Variants in FSHR observed in about 807,000 individuals in gnomAD.
The protein encoded by FSHR is follicle stimulating hormone receptor, also known as follicle-stimulating hormone receptor.
Under a neutral mutation model 52.1 loss-of-function variants are expected in FSHR, and 46 were observed. The ratio of observed to expected loss-of-function variants is 0.88; its 90% CI spans 0.70 to 1.13. FSHR has a LOEUF of 1.13. Among genes scored for constraint, FSHR ranks in the 50% most tolerant of loss-of-function variants. FSHR has a pLI of 0.00. For missense variants in FSHR, 964 were observed against 834.6 expected (o/e 1.16, Z -1.91); for synonymous variants, 399 against 309.6 (o/e 1.29, Z -3.03).
chr2:49,001,492 C>G (rs1485845455), intron 4 of FSHR, among the ~76,000 whole-genome samples: 1 of 152,056 alleles, frequency 6.6e-6, no homozygotes, highest in African/African-American at 2.4e-5. Flanking sequence ...ACTTTTGAGA[C>G]CTTCTTGGAT....
At chr2:49,020,683 C>G (rs1667660917) in intron 2 of FSHR, among the ~76,000 whole-genome samples, 2 of 152,286 alleles carry the variant, frequency 1.3e-5, no homozygotes, top group East Asian at 3.9e-4. Context: ...AGGTGTCAGG[C>G]TGGATTTGAT....
intron 2 of FSHR, among the ~76,000 whole-genome samples, chr2:49,048,302 G>GAAA (rs147089907): frequency 1.3e-4 from 20 of 151,502 alleles, no homozygotes; most frequent in African/African-American, 4.9e-4. Context: ...TTTTCTTATA[G>GAAA]AAAAAAAACC....
At chr2:49,046,121 C>G (rs1270628443) in intron 2 of FSHR, among the ~76,000 whole-genome samples, 1 of 152,142 alleles carries the variant, frequency 6.6e-6, no homozygotes, top group East Asian at 1.9e-4. Context: ...ATACTTGTCC[C>G]AGCTGCTACT....
At chr2:49,012,948 G>T (rs1667325073) in intron 4 of FSHR, among the ~76,000 whole-genome samples, 1 of 152,112 alleles carries the variant, frequency 6.6e-6, no homozygotes, top group Admixed American at 6.6e-5. Flanking sequence ...TTTGGAAATA[G>T]AACTTCTGGT....
intron 1 of FSHR, among the ~76,000 whole-genome samples, chr2:49,124,737 A>G (rs1299329909): frequency 6.6e-6 from 1 of 152,198 alleles, no homozygotes. Context: ...TCTCAAATGG[A>G]TTATTTTAAT....
chr2:49,136,887 A>T (rs1292480951), intron 1 of FSHR, among the ~76,000 whole-genome samples: 1 of 152,150 alleles, frequency 6.6e-6, no homozygotes, highest in African/African-American at 2.4e-5. Context: ...TCATCAATGA[A>T]AAAACCACCA....
rs182275774 is a variant in FSHR at position 49,151,244 on chromosome 2, G to C, written c.152+3022C>G. Reference sequence around the variant, plus strand: ...ATAAAAGATTCAAATTTGGATCCCAGCTCTGCCATCCAGGAGCTGCAGGGA... The same window carrying C: ...ATAAAAGATTCAAATTTGGATCCCACCTCTGCCATCCAGGAGCTGCAGGGA... On this transcript the variant is annotated intron_variant, in intron 1 of 9. Coordinates refer to ENST00000406846, the MANE Select transcript of FSHR (RefSeq NM_000145.4). Among the ~76,000 whole-genome samples, 470 of 150,078 alleles carry C rather than the reference G, an allele frequency of 3.1e-3. 1 individual carries two copies. The highest frequency in any genetic ancestry group is 4.9e-3 in the Non-Finnish European group (331 of 67,794).
intron 1 of FSHR, among the ~76,000 whole-genome samples, chr2:49,149,270 G>T (rs1394209): frequency 1.3e-5 from 2 of 151,620 alleles, no homozygotes; most frequent in South Asian, 4.2e-4. Flanking sequence ...GGTAATACCT[G>T]GTTACCTCAT....
At chr2:49,139,511 G>A (rs72879888) in intron 1 of FSHR, among the ~76,000 whole-genome samples, 5,999 of 152,072 alleles carry the variant, frequency 0.039, 372 homozygotes, top group African/African-American at 0.14. Context: ...TTTTTATGGA[G>A]TGTCATGAAA....
chr2:49,046,218 A>G (rs1010016417), intron 2 of FSHR, among the ~76,000 whole-genome samples: 2 of 152,232 alleles, frequency 1.3e-5, no homozygotes, highest in Admixed American at 6.5e-5. Context: ...GAAGATATTC[A>G]TACTACTACT....
chr2:49,101,077 A>G (rs1252389932), intron 1 of FSHR, among the ~76,000 whole-genome samples: 2 of 152,186 alleles, frequency 1.3e-5, no homozygotes, highest in Non-Finnish European at 2.9e-5. Context: ...TGGTGACTTT[A>G]TTAGAAAAAA....
chr2:48,990,844 G>A (rs1675738922), intron 4 of FSHR, among the ~76,000 whole-genome samples: 1 of 150,980 alleles, frequency 6.6e-6, no homozygotes. Flanking sequence ...TCAGAGAAAA[G>A]AAACTTACAC....
chr2:49,006,198 C>G (rs895225451), intron 4 of FSHR, among the ~76,000 whole-genome samples: 4 of 152,030 alleles, frequency 2.6e-5, no homozygotes, highest in Non-Finnish European at 5.9e-5. Flanking sequence ...ATACATCTAA[C>G]CTATTAGTTA....
chr2:49,079,936 T>C (rs1266406888), intron 1 of FSHR, among the ~76,000 whole-genome samples: 1 of 152,152 alleles, frequency 6.6e-6, no homozygotes, highest in African/African-American at 2.4e-5. Flanking sequence ...GTGTAAGCGT[T>C]AGACTGGAGA....
At chr2:49,115,762 A>G (rs1035734611) in intron 1 of FSHR, among the ~76,000 whole-genome samples, 3 of 152,154 alleles carry the variant, frequency 2.0e-5, no homozygotes, top group African/African-American at 4.8e-5. Flanking sequence ...CATTTTGCTG[A>G]CTGATGAAGG....
chr2:49,061,741 T>TATAAAA, intron 2 of FSHR, among the ~76,000 whole-genome samples: 6 of 60,182 alleles, frequency 1.0e-4, no homozygotes, highest in South Asian at 7.6e-4. Flanking sequence ...TATAGCTATT[T>TATAAAA]ATATATAACT....
chr2:49,105,944 A>G (rs1362195676), intron 1 of FSHR, among the ~76,000 whole-genome samples: 1 of 152,132 alleles, frequency 6.6e-6, no homozygotes, highest in Non-Finnish European at 1.5e-5. Context: ...CTTACTCCCA[A>G]AAGCAAACTG....
intron 8 of FSHR, among the ~76,000 whole-genome samples, chr2:48,973,807 C>A (rs1192740969): frequency 6.6e-6 from 1 of 152,234 alleles, no homozygotes; most frequent in Non-Finnish European, 1.5e-5. Context: ...CCCCAGCCAA[C>A]TGTGATGTTC....
intron 4 of FSHR, among the ~76,000 whole-genome samples, chr2:49,008,585 C>A (rs1457029701): frequency 2.0e-5 from 3 of 149,374 alleles, no homozygotes; most frequent in Non-Finnish European, 3.0e-5. Flanking sequence ...AGTTCTAGAT[C>A]CCTGAGGAAT....
Sources: allele counts gnomAD v4.1 joint callset (sites outside exome capture counted in the v4.1 genomes callset), GRCh38; gene constraint gnomAD v4.1.1; transcripts MANE v1.5; gene names NCBI Gene and HGNC (gene_info 2026-07-23, HGNC 2026-07-21).